The following PTPRN2 variants were observed in gnomAD, a reference collection of about 807,000 sequenced individuals.
PTPRN2 encodes protein tyrosine phosphatase receptor type N2.
In PTPRN2, 74 loss-of-function variants were observed where a neutral mutation model predicts 118.8. The ratio of observed to expected loss-of-function variants is 0.62; its 90% CI spans 0.52 to 0.76. PTPRN2 has a LOEUF of 0.76. Ranked by LOEUF, PTPRN2 falls within the 30% of genes least tolerant of loss-of-function variation. The probability of loss-of-function intolerance (pLI) is 0.00; values close to 1 mark genes in which losing one functional copy is unlikely to be tolerated. For missense variants in PTPRN2, 1,481 were observed against 1,394.4 expected (o/e 1.06, Z -0.99); for synonymous variants, 641 against 608.0 (o/e 1.05, Z -0.80).
intron 12 of PTPRN2, among the ~76,000 whole-genome samples, chr7:157,818,398 G>A (rs930927886): frequency 1.4e-5 from 2 of 147,270 alleles, no homozygotes; most frequent in African/African-American, 5.5e-5. Flanking sequence ...TCAGAGATGG[G>A]TGGGGTCATT....
Position 158,022,401 on chromosome 7 carries a change from T to C in PTPRN2, c.1723+58897A>G, listed in dbSNP as rs1806951447. Among the ~76,000 whole-genome samples, 1 of 152,146 alleles carries C rather than the reference T, an allele frequency of 6.6e-6. No homozygotes were observed. Among genetic ancestry groups the C allele is most frequent in the South Asian group, 2.1e-4 (1 of 4,820 alleles). Reference sequence around the variant, plus strand: ...CCAGTTCCATGATTTCCCACGGTGATTACTGAGGGAAGACCAGCGCAGCCC... The same window carrying C: ...CCAGTTCCATGATTTCCCACGGTGACTACTGAGGGAAGACCAGCGCAGCCC... On this transcript the variant is annotated intron_variant, in intron 11 of 22. Transcript: ENST00000389418. The surrounding 1 kb of genome is among the most constrained non-coding windows in gnomAD (Gnocchi z 4.6).
rs1010970577 is a variant in PTPRN2, at chr7:157,845,334, C to T, written c.1788+53339G>A. Among the ~76,000 whole-genome samples the T allele has an allele frequency of 6.6e-6, 1 of 152,188 alleles. No individual in the cohort carries two copies. Among genetic ancestry groups the T allele is most frequent in the South Asian group, 2.1e-4 (1 of 4,832 alleles). Reference sequence around the variant, plus strand: ...TACACAGAGTGATCCGCCCTCTTTTCCCTGGTGAATCACGCAGCCTAACTC... The same window carrying T: ...TACACAGAGTGATCCGCCCTCTTTTTCCTGGTGAATCACGCAGCCTAACTC... On this transcript the variant is annotated intron_variant, in intron 12 of 22. Transcript: ENST00000389418. This position sits in a 1 kb window ranked among gnomAD's most constrained non-coding sequence, Gnocchi z 4.5.
In PTPRN2 at chr7:157,585,578, G is replaced by A. The variant is rs531281340; in HGVS notation, c.2497-7438C>T. 8.5e-5 allele frequency among the ~76,000 whole-genome samples: 13 copies of A among 152,348 alleles called. No individual in the cohort carries two copies. The highest frequency in any genetic ancestry group is 2.6e-4 in the Admixed American group (4 of 15,308). ...GCACAGGAAGTCACCTGGCACAGGC[G>A]TCACTGAGACTCCCTGTGGCCTCTG... On this transcript the variant is annotated intron_variant, in intron 17 of 22. Transcript: ENST00000389418. This position sits in a 1 kb window ranked among gnomAD's most constrained non-coding sequence, Gnocchi z 5.2.
At chr7:158,086,844 C>T (rs1813455239) in intron 10 of PTPRN2, among the ~76,000 whole-genome samples, 1 of 152,144 alleles carries the variant, frequency 6.6e-6, no homozygotes, top group Non-Finnish European at 1.5e-5. Context: ...TCATCGACTG[C>T]CTAGCATCTG....
chr7:158,341,217 T>C (rs1332600122), intron 2 of PTPRN2, among the ~76,000 whole-genome samples: 71 of 107,078 alleles, frequency 6.6e-4, no homozygotes, highest in African/African-American at 1.7e-3. Flanking sequence ...GCAGACGTCA[T>C]TCACACCCAC....
At position 157,578,116 on chromosome 7, in the gene PTPRN2, C is replaced by T. The variant is rs1800155087; in HGVS notation, c.2521G>A (p.Val841Met). ...GCGAGGGGTGTCAGCATGACGATCA[C>T]CACGCAGCCGCTCTCCCACACCATC... ...WQMVWESGCV[V>M]IVMLTPLAEN... Residue 841 changes from valine (V) to methionine (M), a missense_variant, in exon 18 of 23, where the codon GTG becomes ATG. Coordinates refer to ENST00000389418, the MANE Select transcript of PTPRN2 (RefSeq NM_002847.5). 7.4e-6 allele frequency: 12 copies of T among 1,612,592 alleles called. No homozygotes were observed. Among genetic ancestry groups the T allele is most frequent in the Non-Finnish European group, 1.0e-5 (12 of 1,179,386 alleles).
chr7:157,554,763 T>C (rs1319451132), intron 21 of PTPRN2, among the ~76,000 whole-genome samples: 1 of 152,234 alleles, frequency 6.6e-6, no homozygotes, highest in African/African-American at 2.4e-5. Context: ...CTTAACGATG[T>C]CTACCGGGGA....
intron 1 of PTPRN2, among the ~76,000 whole-genome samples, chr7:158,576,407 G>A (rs1157650913): frequency 6.6e-6 from 1 of 152,208 alleles, no homozygotes; most frequent in African/African-American, 2.4e-5. Context: ...GCACAAGTGT[G>A]AGCCAGAAAA....
At chr7:157,789,622 T>A (rs1804301731) in intron 12 of PTPRN2, among the ~76,000 whole-genome samples, 1 of 152,124 alleles carries the variant, frequency 6.6e-6, no homozygotes, top group Non-Finnish European at 1.5e-5. Context: ...AGTGTGTGTG[T>A]ATGTGGTGTG....
intron 3 of PTPRN2, among the ~76,000 whole-genome samples, chr7:158,247,578 A>G (rs1796340523): frequency 6.6e-6 from 1 of 152,096 alleles, no homozygotes; most frequent in Non-Finnish European, 1.5e-5. Flanking sequence ...CCAGCCACAC[A>G]GCAAACACAG....
At chr7:158,376,139 A>G (rs1349350662) in intron 2 of PTPRN2, among the ~76,000 whole-genome samples, 4 of 152,152 alleles carry the variant, frequency 2.6e-5, no homozygotes, top group Non-Finnish European at 5.9e-5. Context: ...CCAGAGCCCA[A>G]AAGCACTCAC....
At chr7:157,646,135 T>A (rs887873110) in intron 14 of PTPRN2, among the ~76,000 whole-genome samples, 1 of 152,210 alleles carries the variant, frequency 6.6e-6, no homozygotes, top group African/African-American at 2.4e-5. Flanking sequence ...CAGTAGGCGC[T>A]GCCTCCGCAT....
chr7:157,684,655 G>A (rs1185500670), intron 12 of PTPRN2, among the ~76,000 whole-genome samples: 6 of 149,284 alleles, frequency 4.0e-5, no homozygotes, highest in Non-Finnish European at 8.9e-5. Flanking sequence ...TCACTCTAGA[G>A]CCGCGCGACC....
intron 3 of PTPRN2, among the ~76,000 whole-genome samples, chr7:158,283,085 T>A (rs1189758057): frequency 6.6e-6 from 1 of 152,180 alleles, no homozygotes; most frequent in African/African-American, 2.4e-5. Context: ...AAAACACTCT[T>A]GAGAGAAGAG....
At chr7:158,514,098 AC>A (rs1263918340) in intron 1 of PTPRN2, among the ~76,000 whole-genome samples, 1 of 152,170 alleles carries the variant, frequency 6.6e-6, no homozygotes, top group East Asian at 1.9e-4. Context: ...GAAGCCTACA[AC>A]CCTCAATCAG....
chr7:158,203,329 T>C (rs758404441), intron 4 of PTPRN2, among the ~76,000 whole-genome samples: 19 of 150,602 alleles, frequency 1.3e-4, no homozygotes, highest in Non-Finnish European at 2.7e-4. Flanking sequence ...TCAAAGCATA[T>C]GTATTTTAAA....
intron 11 of PTPRN2, among the ~76,000 whole-genome samples, chr7:157,913,620 GT>G (rs1798216381): frequency 6.6e-6 from 1 of 152,110 alleles, no homozygotes; most frequent in African/African-American, 2.4e-5. Context: ...TTTAGCAAAT[GT>G]TTTTACCTGT....
In PTPRN2 at chr7:157,618,182, C is replaced by G. The variant is rs1802913316; in HGVS notation, c.2344+3180G>C. On this transcript the variant is annotated intron_variant, in intron 15 of 22. Coordinates refer to ENST00000389418, the MANE Select transcript of PTPRN2 (RefSeq NM_002847.5). The surrounding 1 kb of genome is among the most constrained non-coding windows in gnomAD (Gnocchi z 4.2). ...CCATCTCCTGGGTGGAAGAATGACC[C>G]AGGGAAGTGCTCCATGGGGAAGGCG... The G allele has an allele frequency of 1.3e-5, 2 of 152,226 alleles. No homozygotes were observed. The highest frequency in any genetic ancestry group is 1.3e-4 in the Admixed American group (2 of 15,282). The allele number at this position is 152,226 out of a possible 1,614,324, so 9.4% of individuals were successfully genotyped here.
rs745579603 is a variant in PTPRN2, at chr7:157,578,090, C to T, written c.2547G>A (p.Ala849=). The T allele has an allele frequency of 6.2e-6, 10 of 1,613,534 alleles. No homozygotes were observed. Among genetic ancestry groups the T allele is most frequent in the African/African-American group, 1.3e-5 (1 of 75,042 alleles). Residue 849 remains alanine, a synonymous_variant, in exon 18 of 23, where the codon GCG becomes GCA. Coordinates refer to ENST00000389418, the MANE Select transcript of PTPRN2 (RefSeq NM_002847.5). ...CVVIVMLTPL[A]ENGVRQCYHY... ...GGTAGCACTGCCGGACGCCGTTCTC[C>T]GCGAGGGGTGTCAGCATGACGATCA...
Sources: gnomAD v4.1 joint callset for allele counts (sites outside exome capture counted in the v4.1 genomes callset) on GRCh38, gnomAD v4.1.1 for gene constraint, Gnocchi (gnomAD v3.1) non-coding constraint, MANE v1.5 for transcripts, NCBI Gene and HGNC (gene_info 2026-07-23, HGNC 2026-07-21) for gene names.